KLHDC4: variants seen among roughly 807,000 people sequenced by gnomAD.
KLHDC4 encodes the protein kelch domain-containing protein 4.
KLHDC4 carries 90 observed loss-of-function variants against 62.4 expected under a neutral mutation model. The ratio of observed to expected loss-of-function variants is 1.44; its 90% CI spans 1.22 to 1.72. The LOEUF (loss-of-function observed/expected upper bound fraction) is 1.72. Ranked by LOEUF, KLHDC4 falls within the 40% of genes most tolerant of loss-of-function variation. The probability of loss-of-function intolerance (pLI) is 0.00; values close to 1 mark genes in which losing one functional copy is unlikely to be tolerated. For missense variants in KLHDC4, 1,025 were observed against 699.7 expected (o/e 1.47, Z -5.25); for synonymous variants, 386 against 284.4 (o/e 1.36, Z -3.59).
chr16:87,711,168 G>A, intron 9 of KLHDC4, 67 bp downstream of exon 9: 9 of 1,534,496 alleles, frequency 5.9e-6, no homozygotes, highest in Non-Finnish European at 8.1e-6. Context: ...CTGGAGGAAG[G>A]CAGTGGTGGC....
At chr16:87,731,915 T>C (rs992517899) in intron 5 of KLHDC4, among the ~76,000 whole-genome samples, 9 of 152,208 alleles carry the variant, frequency 5.9e-5, no homozygotes, top group East Asian at 5.8e-4. Context: ...CTTAAAAACA[T>C]CTCGCTGAAG....
intron 5 of KLHDC4, among the ~76,000 whole-genome samples, chr16:87,733,772 G>C (rs552537681): frequency 6.6e-6 from 1 of 150,566 alleles, no homozygotes; most frequent in South Asian, 2.1e-4. Context: ...CACTCCCTGG[G>C]ATCCTCACTG....
In KLHDC4 at chr16:87,714,649, G is replaced by A. The variant is rs1485982704; in HGVS notation, c.760-76C>T. 21 of 1,506,108 alleles carry A rather than the reference G, an allele frequency of 1.4e-5. No individual in the cohort carries two copies. The Middle Eastern group carries it at 5.2e-4, about 37-fold the overall frequency. The allele number at this position is 1,506,108 out of a possible 1,614,324, so 93.3% of individuals were successfully genotyped here. On this transcript the variant is annotated intron_variant, in intron 7 of 11. Transcript: ENST00000270583. Reference sequence around the variant, plus strand: ...TTACAGACCCCCCAACCCTGTGGGCGCATTTTGGATGGAAGGGGCTGGAGG... The same window carrying A: ...TTACAGACCCCCCAACCCTGTGGGCACATTTTGGATGGAAGGGGCTGGAGG...
intron 6 of KLHDC4, among the ~76,000 whole-genome samples, chr16:87,729,117 C>T (rs1292581538): frequency 6.6e-6 from 1 of 152,114 alleles, no homozygotes; most frequent in Non-Finnish European, 1.5e-5. Flanking sequence ...TAAATCTTTC[C>T]CCCTTGAAAA....
At chr16:87,705,295 G>C (rs546634718), downstream of KLHDC4, among the ~76,000 whole-genome samples, 2 of 152,388 alleles carry the variant, frequency 1.3e-5, no homozygotes, top group South Asian at 2.1e-4. Flanking sequence ...CCGGCAGACA[G>C]AGCAGACCAC....
chr16:87,721,042 G>A (rs576511514), intron 7 of KLHDC4, among the ~76,000 whole-genome samples: 45 of 152,228 alleles, frequency 3.0e-4, no homozygotes, highest in Non-Finnish European at 5.0e-4. Flanking sequence ...CCTTCTTAAC[G>A]GCCAACGGCC....
intron 5 of KLHDC4, chr16:87,740,663 A>G (rs1597239070): frequency 6.6e-6 from 1 of 152,108 alleles, no homozygotes; most frequent in African/African-American, 2.4e-5. Flanking sequence ...CTTGCCAATA[A>G]CCGCAGACAG....
chr16:87,746,865 C>T (rs1438343011), intron 5 of KLHDC4, among the ~76,000 whole-genome samples: 1 of 152,154 alleles, frequency 6.6e-6, no homozygotes, highest in African/African-American at 2.4e-5. Context: ...TTTTAATTAC[C>T]ATTAGCAAGC....
chr16:87,720,854 G>T (rs913512112), intron 7 of KLHDC4, among the ~76,000 whole-genome samples: 2 of 152,176 alleles, frequency 1.3e-5, no homozygotes, highest in East Asian at 3.9e-4. Context: ...CACTGCTGTC[G>T]CGATGGTTTC....
chr16:87,748,484 G>A (rs530506240), intron 5 of KLHDC4, among the ~76,000 whole-genome samples, 189 bp downstream of exon 5: 12 of 152,230 alleles, frequency 7.9e-5, no homozygotes, highest in East Asian at 5.8e-4. Context: ...CCCCACACCC[G>A]GCCCAGGCTT....
chr16:87,709,629 T>C lies in KLHDC4; in HGVS notation c.1083A>G (p.Arg361=), dbSNP rs1159331133. Residue 361 remains arginine, a synonymous_variant, in exon 10 of 12, where the codon AGA becomes AGG. Transcript: ENST00000270583. ...KSEKKKRRRG[R]KEEPEGGSRP... is the part of the protein sequence containing the mutation. ...TGCTACCACCTTCGGGCTCCTCTTTTCTGCCCCGCCTGCGTTTCTTCTTTT... is the reference window on the plus strand; with the variant it reads ...TGCTACCACCTTCGGGCTCCTCTTTCCTGCCCCGCCTGCGTTTCTTCTTTT... The C allele has an allele frequency of 1.2e-6, 2 of 1,607,936 alleles. No individual in the cohort carries two copies. The highest frequency in any genetic ancestry group is 2.2e-5 in the East Asian group (1 of 44,752).
chr16:87,716,360 T>C (rs935453284), intron 7 of KLHDC4, among the ~76,000 whole-genome samples: 3 of 152,206 alleles, frequency 2.0e-5, no homozygotes, highest in Admixed American at 6.5e-5. Flanking sequence ...GTACGCGCTA[T>C]GTCTCGTGGA....
chr16:87,709,217 C>T (rs367664412), intron 10 of KLHDC4, 48 bp downstream of exon 10: 15 of 1,573,024 alleles, frequency 9.5e-6, no homozygotes, highest in Admixed American at 6.8e-5. Context: ...GACACACGAC[C>T]GTGGGCTCTC....
chr16:87,716,389 C>T (rs760292870), intron 7 of KLHDC4, among the ~76,000 whole-genome samples: 16 of 152,296 alleles, frequency 1.1e-4, no homozygotes, highest in Non-Finnish European at 1.9e-4. Context: ...CAGAGTTCGG[C>T]TATGCTCTAT....
intron 6 of KLHDC4, 46 bp from the exon 7 acceptor site, chr16:87,726,970 A>G (rs745335500): frequency 3.8e-6 from 6 of 1,592,246 alleles, no homozygotes; most frequent in Non-Finnish European, 5.2e-6. Context: ...CATTGGGAAA[A>G]GCCCTGACAT....
chr16:87,750,183 G>A (rs938264275), intron 4 of KLHDC4: 10 of 152,226 alleles, frequency 6.6e-5, no homozygotes, highest in African/African-American at 1.9e-4. Context: ...ACAGACTGCT[G>A]GGCTACAAGC....
intron 4 of KLHDC4, among the ~76,000 whole-genome samples, chr16:87,752,568 C>A (rs2044183004): frequency 6.6e-6 from 1 of 152,188 alleles, no homozygotes; most frequent in Non-Finnish European, 1.5e-5. Context: ...ATCTCCTGAC[C>A]TTGTGATTCG....
rs1246433423 is a variant in KLHDC4 at position 87,720,155 on chromosome 16, G to A, written c.760-5582C>T. Among the ~76,000 whole-genome samples, 8 of 152,300 alleles carry A rather than the reference G, an allele frequency of 5.3e-5. 1 individual carries two copies. In the South Asian group the frequency reaches 1.7e-3, roughly 32 times the overall value. On this transcript the variant is annotated intron_variant, in intron 7 of 11. Coordinates refer to ENST00000270583, the MANE Select transcript of KLHDC4 (RefSeq NM_017566.4). Reference sequence around the variant, plus strand: ...CACACAGGGCCGCCCCAAGGACCCCGTCACCAGCTCAGGCCAGGTCACAGA... The same window carrying A: ...CACACAGGGCCGCCCCAAGGACCCCATCACCAGCTCAGGCCAGGTCACAGA...
At chr16:87,765,683 G>C in intron 1 of KLHDC4, 109 bp downstream of exon 1, 1 of 1,077,854 alleles carries the variant, frequency 9.3e-7, no homozygotes, top group Non-Finnish European at 1.3e-6. Flanking sequence ...CTCTCCCGCA[G>C]GGCCGGCGCG....
Sources: gnomAD v4.1 joint callset for allele counts (sites outside exome capture counted in the v4.1 genomes callset) on GRCh38, gnomAD v4.1.1 for gene constraint, MANE v1.5 for transcripts, NCBI Gene and HGNC (gene_info 2026-07-23, HGNC 2026-07-21) for gene names.